Variants in TXNDC5 observed in about 807,000 individuals in gnomAD.
TXNDC5 encodes thioredoxin domain containing 5.
Under a neutral mutation model 52.6 loss-of-function variants are expected in TXNDC5, and 44 were observed. That is an observed-to-expected ratio of 0.84 (90% CI 0.66 to 1.08). The LOEUF (loss-of-function observed/expected upper bound fraction) is 1.08, where lower values mean the gene tolerates loss of function less well. Among genes scored for constraint, TXNDC5 ranks in the 50% least tolerant of loss-of-function variants. The probability of loss-of-function intolerance (pLI) is 0.00; values close to 1 mark genes in which losing one functional copy is unlikely to be tolerated. For missense variants in TXNDC5, 600 were observed against 565.5 expected (o/e 1.06, Z -0.62); for synonymous variants, 241 against 234.4 (o/e 1.03, Z -0.26).
chr6:7,886,990 A>G (rs372578), intron 7 of TXNDC5, among the ~76,000 whole-genome samples: 52,428 of 152,100 alleles, frequency 0.34, 10,034 homozygotes, highest in East Asian at 0.65. Flanking sequence ...CATCCGTGGT[A>G]TATAATTATA....
At chr6:7,897,347 T>C (rs1361605972) in intron 3 of TXNDC5, among the ~76,000 whole-genome samples, 1 of 152,148 alleles carries the variant, frequency 6.6e-6, no homozygotes, top group Non-Finnish European at 1.5e-5. Flanking sequence ...TCTAAATTTA[T>C]CCCACGTGAA....
intron 1 of TXNDC5, among the ~76,000 whole-genome samples, chr6:7,907,398 G>A (rs1291660287): frequency 6.6e-6 from 1 of 152,130 alleles, no homozygotes; most frequent in Non-Finnish European, 1.5e-5. Context: ...AAGAAGTAGA[G>A]CAAAGCTACC....
At chr6:7,884,533 A>T (rs759422724) in intron 8 of TXNDC5, 45 bp from the exon 9 acceptor site, 3 of 1,612,388 alleles carry the variant, frequency 1.9e-6, no homozygotes, top group Non-Finnish European at 2.5e-6. Flanking sequence ...CTGGGTCGAG[A>T]TCATTCACCT....
Position 7,883,214 on chromosome 6 carries a change from T to C in TXNDC5, c.1229A>G (p.Glu410Gly), listed in dbSNP as rs779941229. ...GTCAAGGTCTCTGCCTCCACTGTGC[T>C]CACTGACTTTCTTCCCTCCTCGGAA... is the stretch of plus-strand genomic sequence containing the variant. ...LLFRGGKKVS[E>G]HSGGRDLDSL... The change falls in exon 10 of 10, where the codon GAG becomes GGG. Residue 410 changes from glutamate to glycine, a missense_variant. Transcript: ENST00000379757. 37 of 1,614,056 alleles carry C rather than the reference T, an allele frequency of 2.3e-5. No individual in the cohort carries two copies. The South Asian group carries it at 4.1e-4, about 18-fold the overall frequency.
rs545105682 is a variant in TXNDC5, at chr6:7,883,281, GAAA to G, written c.1177-18_1177-16del. 25 of 1,613,384 alleles carry G rather than the reference GAAA, an allele frequency of 1.5e-5. No individual in the cohort carries two copies. The highest frequency in any genetic ancestry group is 2.0e-5 in the Non-Finnish European group (24 of 1,179,880). ...TAGCCTCGTACCTTAAAACAAAAAA[GAAA>G]AAAGTTTGCAAACCAGCGGTCCAGA... On this transcript the variant is annotated splice_polypyrimidine_tract_variant and intron_variant, in intron 9 of 9. Coordinates refer to ENST00000379757, the MANE Select transcript of TXNDC5 (RefSeq NM_030810.5).
chr6:7,899,473 C>T (rs1264318871), intron 3 of TXNDC5, 103 bp downstream of exon 3: 46 of 711,264 alleles, frequency 6.5e-5, no homozygotes, highest in Non-Finnish European at 1.0e-4. Context: ...CAGCCTTAAT[C>T]ATTAACCTCA....
At chr6:7,885,574 A>G (rs982870173) in intron 8 of TXNDC5, among the ~76,000 whole-genome samples, 15 of 152,378 alleles carry the variant, frequency 9.8e-5, no homozygotes, top group African/African-American at 3.6e-4. Flanking sequence ...CGAGGAGCAA[A>G]GCTACATCAT....
chr6:7,887,355 T>G (rs1760019376), intron 7 of TXNDC5, among the ~76,000 whole-genome samples: 8 of 152,172 alleles, frequency 5.3e-5, no homozygotes. Flanking sequence ...CACTGGACAC[T>G]GCCACCTACA....
intron 1 of TXNDC5, 62 bp from the exon 2 acceptor site, chr6:7,904,785 C>T (rs1247224406): frequency 1.2e-6 from 2 of 1,605,318 alleles, no homozygotes. Context: ...TGGCCCACAA[C>T]TTCAGCTCTG....
At position 7,904,610 on chromosome 6, in the gene TXNDC5, T is replaced by C. The variant is rs777015543; in HGVS notation, c.377A>G (p.Asp126Gly). ...TCGCACCCCCTGGGCGGAGCACACG[T>C]CGGAGTGGGCCGTGCAGTCCACTTT... ...VAKVDCTAHS[D>G]VCSAQGVRGY... Residue 126 changes from aspartate (D) to glycine (G), a missense_variant, in exon 2 of 10, where the codon GAC becomes GGC. By Grantham distance (94) the Asp-to-Gly change is moderately conservative. Coordinates refer to ENST00000379757, the MANE Select transcript of TXNDC5 (RefSeq NM_030810.5). The C allele has an allele frequency of 8.1e-6, 13 of 1,614,214 alleles. No homozygotes were observed. The highest frequency in any genetic ancestry group is 1.1e-5 in the Non-Finnish European group (13 of 1,180,040).
intron 7 of TXNDC5, 139 bp from the exon 8 acceptor site, chr6:7,886,182 A>G (rs1355436370): frequency 5.9e-6 from 4 of 681,140 alleles, no homozygotes; most frequent in Non-Finnish European, 1.0e-5. Context: ...AGAAATACCT[A>G]CACAATCTGC....
At position 7,885,981 on chromosome 6, in the gene TXNDC5, G is replaced by A. The variant is rs1320177386; in HGVS notation, c.1026C>T (p.Phe342=). ...CTTACCATGGAGCATAAAACTTGATGAAGGTTATTCCTTCTGCAATGGTGT... is the reference window on the plus strand; with the variant it reads ...CTTACCATGGAGCATAAAACTTGATAAAGGTTATTCCTTCTGCAATGGTGT... ...FDDTIAEGIT[F]IKFYAPWCGH... The change falls in exon 8 of 10, where the codon TTC becomes TTT. Residue 342 remains phenylalanine (F), a synonymous_variant. Transcript: ENST00000379757. 1 of 1,613,942 alleles carries A rather than the reference G, an allele frequency of 6.2e-7. No homozygotes were observed. Among genetic ancestry groups the A allele is most frequent in the African/African-American group, 1.3e-5 (1 of 74,910 alleles).
At chr6:7,907,022 G>A (rs1329828735) in intron 1 of TXNDC5, among the ~76,000 whole-genome samples, 1 of 152,200 alleles carries the variant, frequency 6.6e-6, no homozygotes, top group Non-Finnish European at 1.5e-5. Flanking sequence ...GACTGGGGCG[G>A]TGTCCAACAA....
chr6:7,883,033 T>A lies in TXNDC5; in HGVS notation c.*111A>T. 9 of 1,449,054 alleles carry A rather than the reference T, an allele frequency of 6.2e-6. No individual in the cohort carries two copies. Among genetic ancestry groups the A allele is most frequent in the Non-Finnish European group, 8.6e-6 (9 of 1,049,706 alleles). The allele number at this position is 1,449,054 out of a possible 1,614,324, so 89.8% of individuals were successfully genotyped here. A position where few individuals can be genotyped will look rare whatever the true frequency, so the allele number is the denominator to read the frequency against. ...CAAAGAAGATACCTCACGCTTAGTA[T>A]GTTCTGCTTTCTGAACAGCCACCAC... On this transcript the variant is annotated 3_prime_UTR_variant, in exon 10 of 10. Coordinates refer to ENST00000379757, the MANE Select transcript of TXNDC5 (RefSeq NM_030810.5).
intron 1 of TXNDC5, among the ~76,000 whole-genome samples, chr6:7,909,661 G>A (rs1760847383): frequency 6.6e-6 from 1 of 152,182 alleles, no homozygotes; most frequent in Non-Finnish European, 1.5e-5. Context: ...AGTGGGCTCC[G>A]TTCAGAGATT....
chr6:7,899,543 GGGA>G, intron 3 of TXNDC5, 30 bp downstream of exon 3: 1 of 1,548,416 alleles, frequency 6.5e-7, no homozygotes. Flanking sequence ...GAGGGAGGGA[GGGA>G]GGGAGGGAGG....
Position 7,882,854 on chromosome 6 carries a change from C to A in TXNDC5, c.*290G>T. On this transcript the variant is annotated 3_prime_UTR_variant, in exon 10 of 10. Transcript: ENST00000379757. Reference sequence around the variant, plus strand: ...ATTTCCCTCAACGCTATTTTAGTCTCAAAGGAAACCATGTAAATTTCATCA... The same window carrying A: ...ATTTCCCTCAACGCTATTTTAGTCTAAAAGGAAACCATGTAAATTTCATCA... 1 of 276,294 alleles carries A rather than the reference C, an allele frequency of 3.6e-6. No individual in the cohort carries two copies. The highest frequency in any genetic ancestry group is 6.8e-6 in the Non-Finnish European group (1 of 147,024). The allele number at this position is 276,294 out of a possible 1,614,324, so 17.1% of individuals were successfully genotyped here. A position where few individuals can be genotyped will look rare whatever the true frequency, so the allele number is the denominator to read the frequency against.
At position 7,882,871 on chromosome 6, in the gene TXNDC5, AT is replaced by A. The variant is rs1759814024; in HGVS notation, c.*272del. On this transcript the variant is annotated 3_prime_UTR_variant, in exon 10 of 10. Coordinates refer to ENST00000379757, the MANE Select transcript of TXNDC5 (RefSeq NM_030810.5). ...TTTAGTCTCAAAGGAAACCATGTAA[AT>A]TTCATCAAGAGAAGGTCAAAGGGGA... 3.2e-6 allele frequency: 1 copy of A among 309,598 alleles called. No individual in the cohort carries two copies. Among genetic ancestry groups the A allele is most frequent in the Non-Finnish European group, 5.9e-6 (1 of 168,890 alleles). The allele number at this position is 309,598 out of a possible 1,614,324, so 19.2% of individuals were successfully genotyped here.
intron 2 of TXNDC5, among the ~76,000 whole-genome samples, chr6:7,904,212 C>T (rs1581328312): frequency 6.6e-6 from 1 of 152,124 alleles, no homozygotes; most frequent in African/African-American, 2.4e-5. Context: ...GGGAGTCACA[C>T]GGGAAGGAAC....
Sources: gnomAD v4.1 joint callset for allele counts (sites outside exome capture counted in the v4.1 genomes callset) on GRCh38, gnomAD v4.1.1 for gene constraint, MANE v1.5 for transcripts, NCBI Gene and HGNC (gene_info 2026-07-23, HGNC 2026-07-21) for gene names.